PRUNE2: variants seen among roughly 807,000 people sequenced by gnomAD.
The protein encoded by PRUNE2 is protein prune homolog 2.
A neutral mutation model predicts 252.0 loss-of-function variants in PRUNE2; 164 were observed. The ratio of observed to expected loss-of-function variants is 0.65; its 90% confidence interval spans 0.57 to 0.74. The LOEUF is 0.74. Ranked by LOEUF, PRUNE2 falls within the 30% of genes least tolerant of loss-of-function variation. PRUNE2 has a pLI of 0.00. For missense variants in PRUNE2, 3,495 were observed against 3,711.0 expected (o/e 0.94, Z 1.51); for synonymous variants, 1,292 against 1,350.2 (o/e 0.96, Z 0.94).
intron 1 of PRUNE2, among the ~76,000 whole-genome samples, chr9:76,879,903 ATT>A (rs71354691): frequency 3.9e-4 from 12 of 30,982 alleles, no homozygotes; most frequent in South Asian, 1.9e-3. Context: ...ATATATATAT[ATT>A]TTTTTTTTTT....
chr9:76,858,781 A>G (rs1343397), intron 1 of PRUNE2, among the ~76,000 whole-genome samples: 171 of 151,694 alleles, frequency 1.1e-3, no homozygotes, highest in African/African-American at 3.9e-3. Context: ...AAGAAAGAAA[A>G]AAAAAGAAAG....
chr9:76,871,055 A>G (rs1040729142), intron 1 of PRUNE2, among the ~76,000 whole-genome samples: 1 of 152,176 alleles, frequency 6.6e-6, no homozygotes, highest in Non-Finnish European at 1.5e-5. Context: ...CGTTATCCCT[A>G]TGTGACAGAT....
Position 76,708,885 on chromosome 9 carries a change from G to C in PRUNE2, c.3389C>G (p.Ser1130Ter), listed in dbSNP as rs1272608260. The change falls in exon 8 of 19, where the codon TCA becomes TGA. Residue 1130 changes from serine (S) to a stop codon, truncating the protein, a stop_gained. Coordinates refer to ENST00000376718, the MANE Select transcript of PRUNE2 (RefSeq NM_015225.3). LOFTEE classifies it high-confidence loss of function. ...CCAGTCCAAATCATTGTCCATATCT[G>C]AGATCGTTGCAGTGGACTGAGTATC... The part of the protein sequence containing the change: ...LEDTQSTATI[S>*]DMDNDLDWDD... 1 of 1,613,940 alleles carries C rather than the reference G, an allele frequency of 6.2e-7. No individual in the cohort carries two copies. The highest frequency in any genetic ancestry group is 8.5e-7 in the Non-Finnish European group (1 of 1,179,900).
intron 9 of PRUNE2, among the ~76,000 whole-genome samples, chr9:76,665,645 T>C (rs539330905): frequency 6.6e-6 from 1 of 152,166 alleles, no homozygotes; most frequent in Non-Finnish European, 1.5e-5. Flanking sequence ...TGAGTCACTA[T>C]TGAACAACAC....
At chr9:76,684,935 A>G (rs1176000380) in intron 9 of PRUNE2, among the ~76,000 whole-genome samples, 4 of 152,158 alleles carry the variant, frequency 2.6e-5, no homozygotes, top group African/African-American at 9.7e-5. Flanking sequence ...TATTTTTAGT[A>G]GAGACGGGGT....
intron 4 of PRUNE2, among the ~76,000 whole-genome samples, chr9:76,839,605 C>A (rs1347777624): frequency 6.6e-6 from 1 of 152,118 alleles, no homozygotes; most frequent in Non-Finnish European, 1.5e-5. Flanking sequence ...AGGTAGGATG[C>A]TTGGATTTTG....
rs1489868966 is a variant in PRUNE2 at position 76,720,639 on chromosome 9, G to A, written c.757-6918C>T. Among the ~76,000 whole-genome samples, 13 of 142,698 alleles carry A rather than the reference G, an allele frequency of 9.1e-5. No individual in the cohort carries two copies. In the East Asian group the frequency reaches 2.9e-3, roughly 32 times the overall value. 93.6% of individuals were successfully genotyped at this position (142,698 alleles called of 152,430 possible). A position where few individuals can be genotyped will look rare whatever the true frequency, so the allele number is the denominator to read the frequency against. On this transcript the variant is annotated intron_variant, in intron 6 of 18. Transcript: ENST00000376718. ...TTTTTAGGTTATTCTCAGGATTTAT[G>A]GGATTAAATCTGATTCATAGAAAGT...
intron 1 of PRUNE2, 38 bp downstream of exon 1, chr9:76,905,890 C>A (rs2063468638): frequency 6.2e-7 from 1 of 1,613,470 alleles, no homozygotes; most frequent in Non-Finnish European, 8.5e-7. Context: ...TTAGCATACG[C>A]GCGCGCGCAC....
chr9:76,825,410 C>T (rs1207774270), intron 5 of PRUNE2, among the ~76,000 whole-genome samples: 3 of 152,200 alleles, frequency 2.0e-5, no homozygotes, highest in African/African-American at 7.2e-5. Flanking sequence ...GGATTAAGCT[C>T]TGGTTTCCCA....
At chr9:76,770,823 C>T (rs2130932253) in intron 6 of PRUNE2, among the ~76,000 whole-genome samples, 1 of 152,286 alleles carries the variant, frequency 6.6e-6, no homozygotes, top group East Asian at 1.9e-4. Flanking sequence ...GAAATGACTG[C>T]TCATAATGGT....
chr9:76,878,585 G>A (rs1689479202), intron 1 of PRUNE2, among the ~76,000 whole-genome samples: 1 of 152,188 alleles, frequency 6.6e-6, no homozygotes, highest in African/African-American at 2.4e-5. Context: ...GGAGGGGTAA[G>A]AATATTACGT....
intron 12 of PRUNE2, chr9:76,641,904 C>T (rs1169995673): frequency 2.0e-6 from 3 of 1,504,376 alleles, no homozygotes; most frequent in East Asian, 2.5e-5. Flanking sequence ...CACACACACA[C>T]CAGCCAGCAA....
intron 9 of PRUNE2, among the ~76,000 whole-genome samples, chr9:76,695,236 C>T (rs1175625341): frequency 1.3e-5 from 2 of 152,044 alleles, no homozygotes; most frequent in African/African-American, 2.4e-5. Context: ...TGGGATTTCA[C>T]CATGTTGGTC....
chr9:76,824,549 C>A (rs1389371866), intron 5 of PRUNE2, among the ~76,000 whole-genome samples: 1 of 152,134 alleles, frequency 6.6e-6, no homozygotes, highest in Non-Finnish European at 1.5e-5. Flanking sequence ...GCTAAATTAT[C>A]CAGAACTGCA....
chr9:76,808,055 G>A (rs1410766576), intron 6 of PRUNE2, among the ~76,000 whole-genome samples: 1 of 152,154 alleles, frequency 6.6e-6, no homozygotes, highest in Non-Finnish European at 1.5e-5. Flanking sequence ...GCAGGTGCCT[G>A]TAATCCCAGC....
Position 76,614,505 on chromosome 9 carries a change from T to C in PRUNE2, c.*65A>G. ...AAAGGTAACATCAGCCCTGTCTCTTTCAGGTAGATATGTTTCAACAGAACC... is the reference window on the plus strand; with the variant it reads ...AAAGGTAACATCAGCCCTGTCTCTTCCAGGTAGATATGTTTCAACAGAACC... On this transcript the variant is annotated 3_prime_UTR_variant, in exon 19 of 19. Transcript: ENST00000376718. 10 of 1,346,926 alleles carry C rather than the reference T, an allele frequency of 7.4e-6. No individual in the cohort carries two copies. The highest frequency in any genetic ancestry group is 1.1e-5 in the Non-Finnish European group (10 of 938,606). The allele number at this position is 1,346,926 out of a possible 1,614,324, so 83.4% of individuals were successfully genotyped here.
At chr9:76,714,050 T>C (rs2046946518) in intron 6 of PRUNE2, among the ~76,000 whole-genome samples, 3 of 152,238 alleles carry the variant, frequency 2.0e-5, no homozygotes, top group Admixed American at 1.3e-4. Context: ...TCTTGTCGCT[T>C]ATAGGATCTA....
At chr9:76,639,158 C>T (rs976182431) in intron 12 of PRUNE2, among the ~76,000 whole-genome samples, 6 of 152,124 alleles carry the variant, frequency 3.9e-5, no homozygotes, top group Admixed American at 1.3e-4. Context: ...GAACATCTTA[C>T]TAAACTGCTT....
At chr9:76,874,627 G>A (rs1233838328) in intron 1 of PRUNE2, among the ~76,000 whole-genome samples, 1 of 152,164 alleles carries the variant, frequency 6.6e-6, no homozygotes, top group Non-Finnish European at 1.5e-5. Flanking sequence ...GCTTCATTTG[G>A]TATTGCTGCT....
Sources: allele counts gnomAD v4.1 joint callset (sites outside exome capture counted in the v4.1 genomes callset), GRCh38; gene constraint gnomAD v4.1.1; transcripts MANE v1.5; gene names NCBI Gene and HGNC (gene_info 2026-07-23, HGNC 2026-07-21).